Variants in ZDHHC11B observed in about 807,000 individuals in gnomAD.
ZDHHC11B encodes probable palmitoyltransferase ZDHHC11B.
Under a neutral mutation model 42.3 loss-of-function variants are expected in ZDHHC11B, and 17 were observed. The ratio of observed to expected loss-of-function variants is 0.40; its 90% CI spans 0.27 to 0.60. ZDHHC11B has a LOEUF of 0.60. Among genes scored for constraint, ZDHHC11B ranks in the 20% least tolerant of loss-of-function variants. The probability of loss-of-function intolerance (pLI) is 0.41; values close to 1 mark genes in which losing one functional copy is unlikely to be tolerated. For missense variants in ZDHHC11B, 262 were observed against 463.2 expected (o/e 0.57, Z 3.99); for synonymous variants, 123 against 193.5 (o/e 0.64, Z 3.02).
intron 4 of ZDHHC11B, among the ~76,000 whole-genome samples, chr5:758,704 T>C (rs1209900091): frequency 6.6e-6 from 1 of 151,632 alleles, no homozygotes; most frequent in Non-Finnish European, 1.5e-5. Context: ...CAGGGCAGTG[T>C]CTTCACCTGG....
At chr5:734,079 G>A (rs1743319660) in intron 10 of ZDHHC11B, among the ~76,000 whole-genome samples, 2 of 143,726 alleles carry the variant, frequency 1.4e-5, no homozygotes, top group African/African-American at 2.7e-5. Flanking sequence ...ACAATGCAAA[G>A]CAGTCCCTCC....
intron 1 of ZDHHC11B, among the ~76,000 whole-genome samples, chr5:770,838 C>T (rs867600808): frequency 3.2e-4 from 48 of 151,966 alleles, no homozygotes; most frequent in African/African-American, 1.0e-3. Flanking sequence ...CTTGGTAAGG[C>T]GCCCGCCCCC....
intron 6 of ZDHHC11B, among the ~76,000 whole-genome samples, chr5:753,667 G>A (rs1276506298): frequency 1.3e-5 from 2 of 148,548 alleles, no homozygotes; most frequent in Non-Finnish European, 3.0e-5. Context: ...CTCCAGGGGA[G>A]GAGGCGGGTG....
chr5:776,470 TG>T (rs1164687963), intron 1 of ZDHHC11B, among the ~76,000 whole-genome samples: 1 of 151,884 alleles, frequency 6.6e-6, no homozygotes, highest in Non-Finnish European at 1.5e-5. Context: ...GGTAGGCCCC[TG>T]GCCAGCAGGG....
At position 784,722 on chromosome 5, in the gene ZDHHC11B, C is replaced by A. The variant is rs1214636871; in HGVS notation, c.-284G>T. Among the ~76,000 whole-genome samples, 1 of 149,888 alleles carries A rather than the reference C, an allele frequency of 6.7e-6. No homozygotes were observed. The highest frequency in any genetic ancestry group is 2.4e-5 in the African/African-American group (1 of 40,980). ...TCCCCCGCGACCCGGCCGCGCGCGA[C>A]CAAGTGCTCAGCGCAGCGCTCCCCC... On this transcript the variant is annotated 5_prime_UTR_variant, in exon 1 of 14. Coordinates refer to ENST00000508859, the MANE Select transcript of ZDHHC11B (RefSeq NM_001351303.2).
chr5:727,495 A>G (rs1322273100), intron 12 of ZDHHC11B, among the ~76,000 whole-genome samples: 1 of 144,166 alleles, frequency 6.9e-6, no homozygotes, highest in Non-Finnish European at 1.5e-5. Flanking sequence ...ATTAAAGTTT[A>G]AAAATTGTCA....
rs552566671 is a variant in ZDHHC11B, at chr5:744,163, C to T, written c.900+1020G>A. On this transcript the variant is annotated intron_variant, in intron 9 of 13. Coordinates refer to ENST00000508859, the MANE Select transcript of ZDHHC11B (RefSeq NM_001351303.2). ...TCCTAGGCCTTAAGGCACTGCTCACCCCTGGAGTGATATCACTTGGCCACA... is the reference window on the plus strand; with the variant it reads ...TCCTAGGCCTTAAGGCACTGCTCACTCCTGGAGTGATATCACTTGGCCACA... Among the ~76,000 whole-genome samples, 6 of 149,960 alleles carry T rather than the reference C, an allele frequency of 4.0e-5. No individual in the cohort carries two copies. The South Asian group carries it at 6.6e-4, about 17-fold the overall frequency.
chr5:728,012 G>C (rs1269682773), intron 12 of ZDHHC11B, among the ~76,000 whole-genome samples: 1 of 150,066 alleles, frequency 6.7e-6, no homozygotes, highest in African/African-American at 2.5e-5. Context: ...AAATACGTTG[G>C]AAACACACAG....
intron 9 of ZDHHC11B, among the ~76,000 whole-genome samples, chr5:742,644 C>T (rs434341): frequency 3.3e-5 from 5 of 149,850 alleles, no homozygotes; most frequent in Non-Finnish European, 5.9e-5. Flanking sequence ...TTAGACATAA[C>T]ACTGTTGCAC....
At chr5:784,479 G>T (rs576991072) in intron 1 of ZDHHC11B, among the ~76,000 whole-genome samples, 189 bp downstream of exon 1, 2 of 152,242 alleles carry the variant, frequency 1.3e-5, no homozygotes, top group Non-Finnish European at 2.9e-5. Flanking sequence ...CACCGAGCCC[G>T]CAGCGCCGAA....
At chr5:722,903 A>G (rs1423694479) in intron 12 of ZDHHC11B, among the ~76,000 whole-genome samples, 1 of 151,666 alleles carries the variant, frequency 6.6e-6, no homozygotes, top group Non-Finnish European at 1.5e-5. Flanking sequence ...TCCAGATACT[A>G]CATACGCACA....
chr5:762,375 G>A (rs1579408453), intron 4 of ZDHHC11B, among the ~76,000 whole-genome samples: 2 of 152,024 alleles, frequency 1.3e-5, no homozygotes, highest in East Asian at 1.9e-4. Context: ...CAGGATGAGT[G>A]TATGCCACAG....
chr5:715,532 A>G (rs1232683064), intron 13 of ZDHHC11B, among the ~76,000 whole-genome samples: 70 of 150,862 alleles, frequency 4.6e-4, no homozygotes, highest in African/African-American at 1.7e-3. Context: ...TTGCAACTTC[A>G]TGGTCAGTTT....
intron 4 of ZDHHC11B, among the ~76,000 whole-genome samples, chr5:756,648 C>A (rs918640881): frequency 6.6e-6 from 1 of 151,696 alleles, no homozygotes; most frequent in African/African-American, 2.4e-5. Flanking sequence ...AGGTACGCCC[C>A]AGGTGTAAAC....
At position 733,633 on chromosome 5, in the gene ZDHHC11B, C is replaced by A. The variant is rs1200283052; in HGVS notation, c.1023+119G>T. 768 of 889,304 alleles carry A rather than the reference C, an allele frequency of 8.6e-4. 1 individual carries two copies. Among genetic ancestry groups the A allele is most frequent in the South Asian group, 1.7e-3 (107 of 62,848 alleles). The allele number at this position is 889,304 out of a possible 1,614,324, so 55.1% of individuals were successfully genotyped here. On this transcript the variant is annotated intron_variant, in intron 11 of 13. Transcript: ENST00000508859. The stretch of plus-strand genomic sequence containing the variant: ...CCATCATTCCCATGTGAGCAGCACC[C>A]TTGGACACAGAGTGCTTCTATTCTG...
Position 749,180 on chromosome 5 carries a change from C to T in ZDHHC11B, c.629-621G>A, listed in dbSNP as rs1201550100. On this transcript the variant is annotated intron_variant, in intron 7 of 13. Coordinates refer to ENST00000508859, the MANE Select transcript of ZDHHC11B (RefSeq NM_001351303.2). The stretch of plus-strand genomic sequence containing the variant: ...GCATCCATCCCTTCCTCATGGCCCA[C>T]GCTGTGTCCCTGGACCCTCTGCACC... 3.1e-5 allele frequency among the ~76,000 whole-genome samples: 4 copies of T among 129,328 alleles called. 1 individual carries two copies. The highest frequency in any genetic ancestry group is 6.7e-4 in the South Asian group (2 of 2,964). The allele number at this position is 129,328 out of a possible 152,430, so 84.8% of individuals were successfully genotyped here.
chr5:764,454 G>C (rs1735015025), intron 4 of ZDHHC11B, among the ~76,000 whole-genome samples: 1 of 151,914 alleles, frequency 6.6e-6, no homozygotes, highest in South Asian at 2.1e-4. Context: ...CCTGCACTCA[G>C]AGCAGCCGGC....
At chr5:722,735 G>A (rs916818342) in intron 12 of ZDHHC11B, among the ~76,000 whole-genome samples, 1 of 151,418 alleles carries the variant, frequency 6.6e-6, no homozygotes, top group Non-Finnish European at 1.5e-5. Flanking sequence ...GCAAAAAACT[G>A]GAAGCCATCT....
At chr5:772,807 G>A (rs1450369981) in intron 1 of ZDHHC11B, among the ~76,000 whole-genome samples, 2 of 151,916 alleles carry the variant, frequency 1.3e-5, no homozygotes, top group African/African-American at 2.4e-5. Flanking sequence ...CCGCCTCTGC[G>A]TGGGGTGTGT....
Sources: allele counts gnomAD v4.1 joint callset (sites outside exome capture counted in the v4.1 genomes callset), GRCh38; gene constraint gnomAD v4.1.1; transcripts MANE v1.5; gene names NCBI Gene and HGNC (gene_info 2026-07-23, HGNC 2026-07-21).